BDNF: variants seen among roughly 807,000 people sequenced by gnomAD.
BDNF encodes the protein neurotrophic factor BDNF precursor form.
Under a neutral mutation model 19.5 loss-of-function variants are expected in BDNF, and 1 was observed. That is an observed-to-expected ratio of 0.05 (90% confidence interval 0.02 to 0.24). The LOEUF (loss-of-function observed/expected upper bound fraction) is 0.24, where lower values mean the gene tolerates loss of function less well. Among genes scored for constraint, BDNF ranks in the 10% least tolerant of loss-of-function variants. The probability of loss-of-function intolerance (pLI) is 1.00; values close to 1 mark genes in which losing one functional copy is unlikely to be tolerated. For synonymous variants in BDNF, 100 were observed against 121.6 expected (o/e 0.82, Z 1.17); for missense variants, 195 against 317.6 (o/e 0.61, Z 2.93).
At chr11:27,677,621 T>G (rs1856328361) in intron 1 of BDNF, 1 of 152,200 alleles carries the variant, frequency 6.6e-6, no homozygotes, top group Non-Finnish European at 1.5e-5. Flanking sequence ...TATCAAGGAT[T>G]CACAAGAAAC....
chr11:27,702,900 C>A (rs1251400274), upstream of BDNF, among the ~76,000 whole-genome samples: 4 of 152,174 alleles, frequency 2.6e-5, no homozygotes. Context: ...CCATCTCCCC[C>A]ACCCCCTAAG....
At chr11:27,697,243 C>A (rs1369323251) in intron 1 of BDNF, among the ~76,000 whole-genome samples, 1 of 151,894 alleles carries the variant, frequency 6.6e-6, no homozygotes, top group African/African-American at 2.4e-5. Context: ...TAAACAAGTT[C>A]TCTGCTATAC....
intron 1 of BDNF, among the ~76,000 whole-genome samples, chr11:27,665,042 C>T (rs1159476366): frequency 6.6e-6 from 1 of 152,048 alleles, no homozygotes; most frequent in Non-Finnish European, 1.5e-5. Flanking sequence ...TTTACAGGAC[C>T]CAAATGGCAG....
chr11:27,663,798 T>C (rs1259910626), intron 1 of BDNF, among the ~76,000 whole-genome samples: 1 of 152,226 alleles, frequency 6.6e-6, no homozygotes, highest in Non-Finnish European at 1.5e-5. Context: ...CAGCTATGTG[T>C]GTCCTGGAAC....
intron 1 of BDNF, among the ~76,000 whole-genome samples, chr11:27,695,852 C>T (rs1858924001): frequency 6.6e-6 from 1 of 151,938 alleles, no homozygotes; most frequent in African/African-American, 2.4e-5. Flanking sequence ...AGATTTGTCT[C>T]ATCAAGAGGA....
intron 1 of BDNF, chr11:27,675,679 T>C (rs548113366): frequency 1.3e-5 from 2 of 152,302 alleles, no homozygotes; most frequent in South Asian, 2.1e-4. Context: ...GCTAAGGGGC[T>C]AAGATGTGAC....
chr11:27,684,275 G>A (rs1213589774), intron 1 of BDNF, among the ~76,000 whole-genome samples: 1 of 152,180 alleles, frequency 6.6e-6, no homozygotes, highest in South Asian at 2.1e-4. Context: ...TGCTGAAGTT[G>A]CTTATCAGCT....
At chr11:27,716,294 T>G (rs765964335) in intron 1 of BDNF, among the ~76,000 whole-genome samples, 2 of 152,300 alleles carry the variant, frequency 1.3e-5, no homozygotes, top group East Asian at 3.9e-4. Flanking sequence ...CACTCAATGA[T>G]GGTAAGCTTT....
chr11:27,710,829 CAA>C (rs1860294890), intron 1 of BDNF, among the ~76,000 whole-genome samples: 1 of 152,200 alleles, frequency 6.6e-6, no homozygotes, highest in African/African-American at 2.4e-5. Context: ...ATTTCTTACT[CAA>C]TAACTCTCAG....
At chr11:27,701,146 A>AT (rs1859876097), upstream of BDNF, 3 of 1,237,566 alleles carry the variant, frequency 2.4e-6, no homozygotes, top group African/African-American at 1.5e-5. Flanking sequence ...TAATAACAGC[A>AT]TTTTTTATTG....
intron 1 of BDNF, among the ~76,000 whole-genome samples, chr11:27,716,452 CACAG>C (rs1860516395): frequency 8.9e-6 from 1 of 112,012 alleles, no homozygotes; most frequent in Non-Finnish European, 1.8e-5. Flanking sequence ...CACACACACA[CACAG>C]ACACACACAC....
In BDNF at chr11:27,658,729, C is replaced by G; in HGVS notation, c.-21-144G>C. 2 of 1,545,812 alleles carry G rather than the reference C, an allele frequency of 1.3e-6. 1 individual carries two copies. ...GTCTTGGTGATAAACTCCAGCTGCA[C>G]CAGACACAAATCAGTGTCAGTAGTG... On this transcript the variant is annotated intron_variant, in intron 1 of 1. Transcript: ENST00000356660. This position sits in a 1 kb window ranked among gnomAD's most constrained non-coding sequence, Gnocchi z 5.7.
intron 1 of BDNF, chr11:27,699,550 C>A: frequency 6.4e-7 from 1 of 1,573,472 alleles, no homozygotes; most frequent in South Asian, 1.2e-5. Flanking sequence ...CCGAGAGTGT[C>A]GCAGACCCTT....
At chr11:27,710,943 A>T (rs541551415) in intron 1 of BDNF, among the ~76,000 whole-genome samples, 1 of 152,324 alleles carries the variant, frequency 6.6e-6, no homozygotes, top group East Asian at 1.9e-4. Flanking sequence ...TGCAGGTGAA[A>T]AGTTTCAGAT....
At chr11:27,718,659 C>T (rs1322616533) in intron 1 of BDNF, among the ~76,000 whole-genome samples, 1 of 148,824 alleles carries the variant, frequency 6.7e-6, no homozygotes, top group African/African-American at 2.5e-5. Flanking sequence ...TGCAGGCTTG[C>T]TCCGTAAACC....
At chr11:27,699,634 T>G (rs1859652704) in intron 1 of BDNF, 1 of 1,440,578 alleles carries the variant, frequency 6.9e-7, no homozygotes. Flanking sequence ...TAAGTCCACT[T>G]CAGTCTCAAT....
At chr11:27,680,068 G>A (rs1856643342) in intron 1 of BDNF, among the ~76,000 whole-genome samples, 1 of 152,192 alleles carries the variant, frequency 6.6e-6, no homozygotes, top group South Asian at 2.1e-4. Flanking sequence ...AGATGAGTGT[G>A]ATGTAGTCTC....
chr11:27,662,093 C>G (rs1377590276), intron 1 of BDNF, among the ~76,000 whole-genome samples: 1 of 152,194 alleles, frequency 6.6e-6, no homozygotes, highest in African/African-American at 2.4e-5. Flanking sequence ...ATCTCCACCT[C>G]CTGGGTTCAA....
At chr11:27,687,791 G>C (rs1857684262) in intron 1 of BDNF, among the ~76,000 whole-genome samples, 2 of 152,182 alleles carry the variant, frequency 1.3e-5, no homozygotes, top group South Asian at 4.1e-4. Context: ...GTTTGTCCCA[G>C]AGGGGCACCC....
Sources: allele counts gnomAD v4.1 joint callset (sites outside exome capture counted in the v4.1 genomes callset), GRCh38; gene constraint gnomAD v4.1.1; non-coding constraint Gnocchi (gnomAD v3.1); transcripts MANE v1.5; gene names NCBI Gene and HGNC (gene_info 2026-07-23, HGNC 2026-07-21).